The following IGF2BP3 variants were observed in gnomAD, a reference collection of about 807,000 sequenced individuals.
The protein encoded by IGF2BP3 is insulin-like growth factor 2 mRNA-binding protein 3.
IGF2BP3 carries 9 observed loss-of-function variants against 73.8 expected under a neutral mutation model. The ratio of observed to expected loss-of-function variants is 0.12; its 90% CI spans 0.07 to 0.21. The LOEUF is 0.21. Among genes scored for constraint, IGF2BP3 ranks in the 10% least tolerant of loss-of-function variants. The pLI, the probability that IGF2BP3 is intolerant of heterozygous loss-of-function variation, is 1.00. For missense variants in IGF2BP3, 542 were observed against 714.0 expected (o/e 0.76, Z 2.75); for synonymous variants, 258 against 256.7 (o/e 1.01, Z -0.05).
intron 3 of IGF2BP3, among the ~76,000 whole-genome samples, chr7:23,377,812 T>G (rs1785775169): frequency 6.6e-6 from 1 of 152,178 alleles, no homozygotes; most frequent in South Asian, 2.1e-4. Flanking sequence ...GGCTGCACCT[T>G]GAAAATATTA....
chr7:23,387,257 A>G (rs1034413936), intron 3 of IGF2BP3, among the ~76,000 whole-genome samples: 2 of 152,308 alleles, frequency 1.3e-5, no homozygotes, highest in Admixed American at 6.5e-5. Flanking sequence ...ACTTCACACA[A>G]GTTCCAACTG....
At chr7:23,323,572 A>G (rs1305358148) in intron 10 of IGF2BP3, among the ~76,000 whole-genome samples, 4 of 149,478 alleles carry the variant, frequency 2.7e-5, no homozygotes, top group Admixed American at 2.0e-4. Context: ...AAGCAGACCT[A>G]ATAGACATCT....
At chr7:23,343,912 A>G in intron 8 of IGF2BP3, 59 bp from the exon 9 acceptor site, 1 of 1,565,178 alleles carries the variant, frequency 6.4e-7, no homozygotes, top group Non-Finnish European at 8.7e-7. Flanking sequence ...GACAGCTAAT[A>G]ATTCAGCCAC....
chr7:23,317,214 A>T (rs1415781229), intron 12 of IGF2BP3, among the ~76,000 whole-genome samples: 1 of 152,184 alleles, frequency 6.6e-6, no homozygotes, highest in East Asian at 1.9e-4. Context: ...GATTAGAGAG[A>T]TTTGTAGAGT....
intron 5 of IGF2BP3, among the ~76,000 whole-genome samples, chr7:23,357,528 A>G (rs576623985): frequency 9.2e-5 from 14 of 152,338 alleles, no homozygotes; most frequent in African/African-American, 3.1e-4. Context: ...TTTGTCACAC[A>G]TGACAAATCC....
At chr7:23,360,602 T>C (rs919391345) in intron 5 of IGF2BP3, among the ~76,000 whole-genome samples, 2 of 152,242 alleles carry the variant, frequency 1.3e-5, no homozygotes, top group Non-Finnish European at 2.9e-5. Context: ...CACATTTCCA[T>C]CTTCTTCTCA....
At chr7:23,380,029 C>T (rs1044775025) in intron 3 of IGF2BP3, among the ~76,000 whole-genome samples, 4 of 151,856 alleles carry the variant, frequency 2.6e-5, no homozygotes, top group Admixed American at 1.3e-4. Flanking sequence ...TTGGGAAAGT[C>T]GTAACTTGGT....
intron 10 of IGF2BP3, among the ~76,000 whole-genome samples, chr7:23,332,837 A>C (rs1383912701): frequency 6.6e-6 from 1 of 152,204 alleles, no homozygotes; most frequent in Admixed American, 6.5e-5. Flanking sequence ...TCCTTGTATC[A>C]AGACCATTAA....
intron 10 of IGF2BP3, among the ~76,000 whole-genome samples, chr7:23,337,457 T>C (rs1229426359): frequency 6.6e-6 from 1 of 152,184 alleles, no homozygotes; most frequent in Non-Finnish European, 1.5e-5. Context: ...GAGGCTCCTT[T>C]AACAGGCAAT....
intron 2 of IGF2BP3, among the ~76,000 whole-genome samples, chr7:23,466,832 A>C (rs2128552857): frequency 6.6e-6 from 1 of 152,320 alleles, no homozygotes; most frequent in South Asian, 2.1e-4. Flanking sequence ...TAAAAATCCA[A>C]AACATTTCAT....
At chr7:23,340,167 G>T (rs958077643) in intron 10 of IGF2BP3, among the ~76,000 whole-genome samples, 2 of 152,078 alleles carry the variant, frequency 1.3e-5, no homozygotes, top group Non-Finnish European at 2.9e-5. Context: ...GTCCCCTTTA[G>T]CATCAAAGTA....
At chr7:23,325,610 G>A (rs1362524025) in intron 10 of IGF2BP3, among the ~76,000 whole-genome samples, 1 of 152,148 alleles carries the variant, frequency 6.6e-6, no homozygotes, top group Non-Finnish European at 1.5e-5. Context: ...AGCCCGCATT[G>A]CCAAGTCAAT....
intron 2 of IGF2BP3, among the ~76,000 whole-genome samples, chr7:23,456,778 A>C (rs1237457691): frequency 1.3e-5 from 2 of 152,228 alleles, no homozygotes; most frequent in Admixed American, 1.3e-4. Context: ...GGCCAGGCGC[A>C]GTGGCTCACG....
At chr7:23,434,307 T>C (rs1452279606) in intron 2 of IGF2BP3, among the ~76,000 whole-genome samples, 1 of 152,144 alleles carries the variant, frequency 6.6e-6, no homozygotes, top group African/African-American at 2.4e-5. Flanking sequence ...GATCCTTGGG[T>C]TTGTTTTTGT....
chr7:23,317,620 C>T lies in IGF2BP3; in HGVS notation c.1395+19G>A, dbSNP rs372409773. The stretch of plus-strand genomic sequence containing the variant: ...GCATTTGTTACCTGTGGACATAGCA[C>T]ATACTCTAGAGCACATACCTTGAAC... On this transcript the variant is annotated intron_variant, in intron 12 of 14. Coordinates refer to ENST00000258729, the MANE Select transcript of IGF2BP3 (RefSeq NM_006547.3). 1.3e-5 allele frequency: 21 copies of T among 1,604,182 alleles called. No homozygotes were observed. Among genetic ancestry groups the T allele is most frequent in the Non-Finnish European group, 1.6e-5 (19 of 1,171,010 alleles).
intron 3 of IGF2BP3, among the ~76,000 whole-genome samples, chr7:23,412,945 C>T (rs745830508): frequency 1.8e-4 from 26 of 145,094 alleles, no homozygotes; most frequent in African/African-American, 3.6e-4. Flanking sequence ...CTGCAACCTC[C>T]GCCTCCCGGG....
chr7:23,366,589 C>T (rs975733092), intron 3 of IGF2BP3, among the ~76,000 whole-genome samples: 1 of 151,004 alleles, frequency 6.6e-6, no homozygotes, highest in East Asian at 1.9e-4. Context: ...GCAAAAAAAC[C>T]CCTCTAATCC....
At chr7:23,322,792 CA>C (rs1185067037) in intron 10 of IGF2BP3, among the ~76,000 whole-genome samples, 2 of 152,286 alleles carry the variant, frequency 1.3e-5, no homozygotes, top group African/African-American at 2.4e-5. Context: ...AAAGAATTTT[CA>C]ACCCAGAATT....
intron 2 of IGF2BP3, among the ~76,000 whole-genome samples, chr7:23,439,288 C>T (rs1372033676): frequency 6.6e-6 from 1 of 151,926 alleles, no homozygotes; most frequent in East Asian, 1.9e-4. Context: ...CACGGTGGCT[C>T]ACGCCTGTAA....
Sources: gnomAD v4.1 joint callset for allele counts (sites outside exome capture counted in the v4.1 genomes callset) on GRCh38, gnomAD v4.1.1 for gene constraint, MANE v1.5 for transcripts, NCBI Gene and HGNC (gene_info 2026-07-23, HGNC 2026-07-21) for gene names.